HYDIN: variants seen among roughly 807,000 people sequenced by gnomAD.
The protein encoded by HYDIN is HYDIN axonemal central pair apparatus protein.
Under a neutral mutation model 403.9 loss-of-function variants are expected in HYDIN, and 132 were observed. The observed-to-expected ratio is 0.33, with a 90% CI of 0.28 to 0.38. The LOEUF (loss-of-function observed/expected upper bound fraction) is 0.38. Ranked by LOEUF, HYDIN falls within the 10% of genes least tolerant of loss-of-function variation. The pLI is 1.00. For missense variants in HYDIN, 2,827 were observed against 5,009.5 expected (o/e 0.56, Z 13.15); for synonymous variants, 1,202 against 1,891.7 (o/e 0.64, Z 9.46).
At chr16:70,820,943 C>T (rs1389999644) in intron 83 of HYDIN, among the ~76,000 whole-genome samples, 2 of 151,948 alleles carry the variant, frequency 1.3e-5, no homozygotes, top group East Asian at 3.9e-4. Flanking sequence ...GCCACTGCAC[C>T]TGGCCTTTAA....
At position 70,985,617 on chromosome 16, in the gene HYDIN, C is replaced by A. The variant is rs559815018; in HGVS notation, c.4195-295G>T. Among the ~76,000 whole-genome samples, 725 of 150,666 alleles carry A rather than the reference C, an allele frequency of 4.8e-3. 2 individuals are homozygous for A. Among genetic ancestry groups the A allele is most frequent in the Middle Eastern group, 0.017 (5 of 286 alleles). ...TTGTAATAGAGAATCTTAAAGTAAG[C>A]TTTCTACATTAAAAAGATTTGCCTA... On this transcript the variant is annotated intron_variant, in intron 27 of 85. Coordinates refer to ENST00000393567, the MANE Select transcript of HYDIN (RefSeq NM_001270974.2).
chr16:70,907,942 T>C (rs2143775806), intron 49 of HYDIN, among the ~76,000 whole-genome samples: 1 of 152,200 alleles, frequency 6.6e-6, no homozygotes, highest in Non-Finnish European at 1.5e-5. Flanking sequence ...ATGGTTTCTA[T>C]ACTACAGGAT....
chr16:70,961,760 G>A (rs1057193022), intron 38 of HYDIN, among the ~76,000 whole-genome samples, 199 bp downstream of exon 38: 1 of 152,034 alleles, frequency 6.6e-6, no homozygotes, highest in Non-Finnish European at 1.5e-5. Flanking sequence ...TATATGCTAA[G>A]CTCATCACCC....
chr16:71,229,822 T>C (rs1311754257), intron 1 of HYDIN, among the ~76,000 whole-genome samples: 1 of 152,238 alleles, frequency 6.6e-6, no homozygotes, highest in East Asian at 1.9e-4. Flanking sequence ...TTGCAGTAAG[T>C]ACATGATATG....
chr16:71,032,220 C>T (rs1018709460), intron 18 of HYDIN, among the ~76,000 whole-genome samples: 6 of 151,942 alleles, frequency 3.9e-5, no homozygotes, highest in African/African-American at 1.4e-4. Flanking sequence ...ACTATAATCT[C>T]CAGATTCTGA....
chr16:71,000,657 G>A (rs1479529591), intron 23 of HYDIN, among the ~76,000 whole-genome samples: 2 of 152,014 alleles, frequency 1.3e-5, no homozygotes, highest in East Asian at 3.9e-4. Flanking sequence ...TACAAAGGCA[G>A]GAAACTTGTC....
intron 75 of HYDIN, among the ~76,000 whole-genome samples, chr16:70,841,449 T>C (rs1205045276): frequency 6.6e-6 from 1 of 152,040 alleles, no homozygotes; most frequent in Non-Finnish European, 1.5e-5. Context: ...CTGCTGAGTT[T>C]CAGGCCAAGA....
intron 23 of HYDIN, among the ~76,000 whole-genome samples, chr16:70,999,274 C>T (rs560610527): frequency 3.3e-5 from 5 of 151,874 alleles, no homozygotes; most frequent in African/African-American, 1.2e-4. Context: ...TTGAAACTTC[C>T]CAAGGTGATT....
rs764043041 is a variant in HYDIN, at chr16:70,943,926, C to G, written c.6555G>C (p.Pro2185=). The change falls in exon 42 of 86, where the codon CCG becomes CCC. Residue 2185 remains proline, a synonymous_variant. Coordinates refer to ENST00000393567, the MANE Select transcript of HYDIN (RefSeq NM_001270974.2). ...TPQISSSPLP[P]GPIHRWLSVS... ...CACTGAGCCAGCGGTGGATGGGCCC[C>G]GGGGGGAGAGGGCTGGAGGAAATCT... The G allele has an allele frequency of 1.2e-6, 2 of 1,611,530 alleles. No individual in the cohort carries two copies. Among genetic ancestry groups the G allele is most frequent in the Admixed American group, 1.7e-5 (1 of 59,696 alleles).
intron 18 of HYDIN, among the ~76,000 whole-genome samples, chr16:71,056,412 A>AT (rs148225538): frequency 0.12 from 17,900 of 151,366 alleles, 1,067 homozygotes; most frequent in East Asian, 0.3. Flanking sequence ...TTTAAAAATC[A>AT]TTTTTTTGTA....
intron 23 of HYDIN, among the ~76,000 whole-genome samples, chr16:70,997,085 C>A (rs2079555724): frequency 6.6e-6 from 1 of 151,564 alleles, no homozygotes; most frequent in African/African-American, 2.4e-5. Flanking sequence ...AAGGAGCATG[C>A]AACCAGGATC....
chr16:71,220,310 ATAACTTCCTTCTACTT>A (rs1429827091), intron 1 of HYDIN, among the ~76,000 whole-genome samples: 7 of 152,348 alleles, frequency 4.6e-5, no homozygotes, highest in African/African-American at 1.7e-4. Flanking sequence ...CTAAGGGGTA[ATAACTTCCTTCTACTT>A]TGTGATTGCA....
chr16:70,989,458 A>G (rs574807158), intron 25 of HYDIN, among the ~76,000 whole-genome samples: 160 of 152,318 alleles, frequency 1.1e-3, no homozygotes, highest in Non-Finnish European at 1.9e-3. Flanking sequence ...AAATATAGAA[A>G]GCTCCAAGGA....
chr16:71,148,852 G>A (rs530346052), intron 7 of HYDIN, among the ~76,000 whole-genome samples: 81 of 135,754 alleles, frequency 6.0e-4, no homozygotes, highest in Admixed American at 4.9e-3. Context: ...TCTGCCTCCC[G>A]GGTTCAAGCT....
chr16:70,972,768 T>C (rs1327611147), intron 35 of HYDIN, among the ~76,000 whole-genome samples: 3 of 152,266 alleles, frequency 2.0e-5, no homozygotes, highest in Non-Finnish European at 4.4e-5. Flanking sequence ...ATATACCCTA[T>C]GTTACCTAAT....
intron 58 of HYDIN, among the ~76,000 whole-genome samples, chr16:70,887,962 C>T (rs1165480792): frequency 6.6e-6 from 1 of 152,206 alleles, no homozygotes; most frequent in East Asian, 1.9e-4. Context: ...GGATTACAGG[C>T]ACGAGCCACG....
chr16:70,905,822 T>A (rs2143769789), intron 50 of HYDIN, among the ~76,000 whole-genome samples: 1 of 151,846 alleles, frequency 6.6e-6, no homozygotes, highest in East Asian at 1.9e-4. Flanking sequence ...TTTCCCTGAC[T>A]CCTACTCCCA....
rs1272263994 is a variant in HYDIN, at chr16:70,807,257, A to C, written c.*323T>G. The C allele has an allele frequency of 3.6e-6, 1 of 279,126 alleles. No homozygotes were observed. Among genetic ancestry groups the C allele is most frequent in the African/African-American group, 2.2e-5 (1 of 45,746 alleles). 17.3% of individuals were successfully genotyped at this position (279,126 alleles called of 1,614,324 possible). On this transcript the variant is annotated 3_prime_UTR_variant, in exon 86 of 86. Transcript: ENST00000393567. ...AAGTGTTGTAGAGTAGAAGGTCACTAGTGTGATACCTGTGCCTTCTTGATA... is the reference window on the plus strand; with the variant it reads ...AAGTGTTGTAGAGTAGAAGGTCACTCGTGTGATACCTGTGCCTTCTTGATA...
intron 21 of HYDIN, among the ~76,000 whole-genome samples, chr16:71,021,305 C>G (rs2080483774): frequency 6.6e-6 from 1 of 151,634 alleles, no homozygotes; most frequent in Non-Finnish European, 1.5e-5. Context: ...CAACCTCTGC[C>G]TCTCGAGTAC....
Sources: allele counts gnomAD v4.1 joint callset (sites outside exome capture counted in the v4.1 genomes callset), GRCh38; gene constraint gnomAD v4.1.1; transcripts MANE v1.5; gene names NCBI Gene and HGNC (gene_info 2026-07-23, HGNC 2026-07-21).